CELF2: variants seen among roughly 807,000 people sequenced by gnomAD.
CELF2 encodes CUG triplet repeat RNA-binding protein 2.
A neutral mutation model predicts 62.6 loss-of-function variants in CELF2; 8 were observed. The ratio of observed to expected loss-of-function variants is 0.13; its 90% confidence interval spans 0.07 to 0.23. The LOEUF (loss-of-function observed/expected upper bound fraction) is 0.23. CELF2 is among the 10% of genes least tolerant of loss of function. The pLI is 1.00. For missense variants in CELF2, 333 were observed against 671.0 expected, an observed-to-expected ratio of 0.50 and a Z score of 5.56; for synonymous variants, 258 against 250.0, an observed-to-expected ratio of 1.03 and a Z score of -0.30.
At position 11,290,972 on chromosome 10, in the gene CELF2, C is replaced by T. The variant is rs980774779; in HGVS notation, c.976+2420C>T. 6.6e-6 allele frequency among the ~76,000 whole-genome samples: 1 copy of T among 152,154 alleles called. No individual in the cohort carries two copies. Among genetic ancestry groups the T allele is most frequent in the South Asian group, 2.1e-4 (1 of 4,834 alleles). On this transcript the variant is annotated intron_variant, in intron 9 of 12. Coordinates refer to ENST00000633077, the MANE Select transcript of CELF2 (RefSeq NM_001326342.2). This position sits in a 1 kb window ranked among gnomAD's most constrained non-coding sequence, Gnocchi z 4.3. Reference sequence around the variant, plus strand: ...TCCATCAGGGACTTTTTGAAAGTCACAGAAAATGTGGTTAGTAGAATTCAT... The same window carrying T: ...TCCATCAGGGACTTTTTGAAAGTCATAGAAAATGTGGTTAGTAGAATTCAT...
the CELF2 span, among the ~76,000 whole-genome samples, chr10:10,549,371 C>T: frequency 4.6e-4 from 70 of 152,300 alleles, no homozygotes; most frequent in Middle Eastern, 3.4e-3. Context: ...GCAACTTCCG[C>T]CTCCTGTGTT....
chr10:10,944,868 G>A (rs180787812), intron 2 of CELF2, among the ~76,000 whole-genome samples: 14 of 152,286 alleles, frequency 9.2e-5, no homozygotes, highest in Admixed American at 8.5e-4. Flanking sequence ...CTCCCAAAGT[G>A]CTGGAATTAT....
intron 1 of CELF2, among the ~76,000 whole-genome samples, chr10:11,021,119 A>C (rs186116596): frequency 6.6e-6 from 1 of 152,176 alleles, no homozygotes; most frequent in Non-Finnish European, 1.5e-5. Context: ...GACCATATAC[A>C]TGCATTTAGG....
chr10:10,937,931 G>C (rs1023403607), intron 2 of CELF2, among the ~76,000 whole-genome samples: 1 of 152,152 alleles, frequency 6.6e-6, no homozygotes, highest in Non-Finnish European at 1.5e-5. Context: ...GACTGCACAG[G>C]TGTTAAAATT....
intron 5 of CELF2, among the ~76,000 whole-genome samples, chr10:11,266,365 AAACT>A (rs1320063197): frequency 2.0e-5 from 3 of 152,264 alleles, no homozygotes; most frequent in African/African-American, 7.2e-5. Flanking sequence ...TTTAAAAAAT[AAACT>A]AATAAATAAA....
At chr10:10,590,745 G>T in the CELF2 span, among the ~76,000 whole-genome samples, 7 of 152,158 alleles carry the variant, frequency 4.6e-5, no homozygotes, top group African/African-American at 1.7e-4. Flanking sequence ...CCAAGGACTG[G>T]CCCCTCCCTC....
At chr10:10,584,048 G>A in the CELF2 span, among the ~76,000 whole-genome samples, 1 of 152,104 alleles carries the variant, frequency 6.6e-6, no homozygotes, top group South Asian at 2.1e-4. Flanking sequence ...CCTGAATAGA[G>A]ACTTAGGATG....
intron 1 of CELF2, among the ~76,000 whole-genome samples, chr10:11,061,901 G>A (rs1022246589): frequency 8.5e-5 from 13 of 152,092 alleles, no homozygotes; most frequent in South Asian, 2.1e-4. Flanking sequence ...TAACCTTTGC[G>A]GCCTGGGCTC....
Position 11,319,105 on chromosome 10 carries a change from G to C in CELF2, c.1097-2084G>C, listed in dbSNP as rs906765364. On this transcript the variant is annotated intron_variant, in intron 10 of 12. Transcript: ENST00000633077. This position sits in a 1 kb window ranked among gnomAD's most constrained non-coding sequence, Gnocchi z 4.4. Reference sequence around the variant, plus strand: ...CCTTGAGATCCAAGCAGAGCGGCGAGTCGCCGCTCCTCTCCCGCCAGAATT... The same window carrying C: ...CCTTGAGATCCAAGCAGAGCGGCGACTCGCCGCTCCTCTCCCGCCAGAATT... 13 of 469,858 alleles carry C rather than the reference G, an allele frequency of 2.8e-5. No homozygotes were observed. The highest frequency in any genetic ancestry group is 4.4e-5 in the Non-Finnish European group (10 of 227,060). The allele number at this position is 469,858 out of a possible 1,614,324, so 29.1% of individuals were successfully genotyped here. A position where few individuals can be genotyped will look rare whatever the true frequency, so the allele number is the denominator to read the frequency against.
chr10:10,895,020 G>T (rs912124618), intron 1 of CELF2, among the ~76,000 whole-genome samples: 1 of 152,146 alleles, frequency 6.6e-6, no homozygotes, highest in Non-Finnish European at 1.5e-5. Flanking sequence ...GCCTGGCACT[G>T]TACTGAGTGA....
chr10:10,510,102 C>T, the CELF2 span, among the ~76,000 whole-genome samples: 7 of 152,216 alleles, frequency 4.6e-5, no homozygotes, highest in African/African-American at 9.6e-5. Context: ...ACAAATTATA[C>T]TTATCCAACC....
At chr10:10,831,190 G>A (rs1160638968) in intron 1 of CELF2, among the ~76,000 whole-genome samples, 2 of 152,202 alleles carry the variant, frequency 1.3e-5, no homozygotes, top group Non-Finnish European at 2.9e-5. Context: ...CTTCAAGTAC[G>A]TTAGCATTAA....
the CELF2 span, among the ~76,000 whole-genome samples, chr10:10,511,293 C>T: frequency 6.6e-6 from 1 of 152,156 alleles, no homozygotes; most frequent in East Asian, 1.9e-4. Flanking sequence ...CACCTGTAAT[C>T]CCAGCCACTG....
intron 1 of CELF2, among the ~76,000 whole-genome samples, chr10:10,890,023 T>C (rs537411231): frequency 1.3e-5 from 2 of 152,172 alleles, no homozygotes; most frequent in African/African-American, 4.8e-5. Flanking sequence ...TTTCCTGAGA[T>C]GGAAACGATG....
intron 7 of CELF2, 138 bp from the exon 8 acceptor site, chr10:11,274,919 T>C: frequency 1.3e-6 from 1 of 745,272 alleles, no homozygotes; most frequent in Non-Finnish European, 2.4e-6. Context: ...CAGCCCCAGC[T>C]CTGGGGACCT....
the CELF2 span, among the ~76,000 whole-genome samples, chr10:10,525,639 C>T: frequency 5.3e-5 from 8 of 152,168 alleles, no homozygotes; most frequent in Non-Finnish European, 1.2e-4. Flanking sequence ...CAAGTTCACC[C>T]GTGTTGTCAC....
the CELF2 span, among the ~76,000 whole-genome samples, chr10:10,643,306 A>G: frequency 1.3e-5 from 2 of 151,990 alleles, no homozygotes; most frequent in African/African-American, 4.8e-5. Context: ...AGATAGTTGA[A>G]TCAGGGAGAC....
chr10:11,066,965 C>T (rs552299197), intron 1 of CELF2, among the ~76,000 whole-genome samples: 2 of 152,142 alleles, frequency 1.3e-5, no homozygotes, highest in South Asian at 4.1e-4. Context: ...TCTGTAGTTA[C>T]TGTCATGTGG....
chr10:11,061,504 G>C (rs74592804), intron 1 of CELF2, among the ~76,000 whole-genome samples: 1,549 of 152,356 alleles, frequency 0.01, 25 homozygotes, highest in African/African-American at 0.035. Context: ...CAAGATCATT[G>C]ATGAAGGTGG....
Sources: allele counts gnomAD v4.1 joint callset (sites outside exome capture counted in the v4.1 genomes callset), GRCh38; gene constraint gnomAD v4.1.1; non-coding constraint Gnocchi (gnomAD v3.1); transcripts MANE v1.5; gene names NCBI Gene and HGNC (gene_info 2026-07-23, HGNC 2026-07-21).